KHDRBS3: variants seen among roughly 807,000 people sequenced by gnomAD.
KHDRBS3 encodes KH RNA binding domain containing, signal transduction associated 3.
A neutral mutation model predicts 45.6 loss-of-function variants in KHDRBS3; 23 were observed. The ratio of observed to expected loss-of-function variants is 0.50; its 90% confidence interval spans 0.36 to 0.72. KHDRBS3 has a LOEUF of 0.72. Among genes scored for constraint, KHDRBS3 ranks in the 30% least tolerant of loss-of-function variants. The pLI, the probability that KHDRBS3 is intolerant of heterozygous loss-of-function variation, is 0.00. For missense variants in KHDRBS3, 352 were observed against 424.8 expected, an observed-to-expected ratio of 0.83 and a Z score of 1.51; for synonymous variants, 162 against 156.5, an observed-to-expected ratio of 1.04 and a Z score of -0.26.
At chr8:135,601,200 A>C (rs1023147659) in intron 6 of KHDRBS3, among the ~76,000 whole-genome samples, 2 of 152,200 alleles carry the variant, frequency 1.3e-5, no homozygotes, top group Non-Finnish European at 2.9e-5. Flanking sequence ...TGTAATGAAC[A>C]TCTTTTAAGT....
chr8:135,655,874 G>A (rs1237243332), intron 4 of KHDRBS3, among the ~76,000 whole-genome samples: 2 of 152,166 alleles, frequency 1.3e-5, no homozygotes, highest in Non-Finnish European at 2.9e-5. Context: ...CTTATCAGGT[G>A]ACAAGAATGC....
At chr8:135,552,008 G>A (rs1258809987) in intron 4 of KHDRBS3, among the ~76,000 whole-genome samples, 4 of 152,046 alleles carry the variant, frequency 2.6e-5, no homozygotes, top group Non-Finnish European at 5.9e-5. Flanking sequence ...TATTTTTGAT[G>A]AGAAGAGTCA....
chr8:135,504,061 A>C (rs1000208506), intron 1 of KHDRBS3, among the ~76,000 whole-genome samples: 1 of 152,134 alleles, frequency 6.6e-6, no homozygotes, highest in Non-Finnish European at 1.5e-5. Context: ...TGTCAAGGGG[A>C]CCGAGAGCCT....
chr8:135,533,416 T>G (rs1825579476), intron 2 of KHDRBS3, among the ~76,000 whole-genome samples: 1 of 152,144 alleles, frequency 6.6e-6, no homozygotes, highest in South Asian at 2.1e-4. Context: ...TAATGATGAA[T>G]CTTGGCCTAG....
At chr8:135,534,044 G>C (rs940203095) in intron 2 of KHDRBS3, among the ~76,000 whole-genome samples, 1 of 152,110 alleles carries the variant, frequency 6.6e-6, no homozygotes, top group Non-Finnish European at 1.5e-5. Context: ...AAAATCCTAA[G>C]TTGAACCATT....
intron 5 of KHDRBS3, among the ~76,000 whole-genome samples, chr8:135,561,787 T>G (rs1227790043): frequency 6.6e-6 from 1 of 152,120 alleles, no homozygotes; most frequent in Non-Finnish European, 1.5e-5. Flanking sequence ...TTGATGATCT[T>G]GACCCTATGT....
chr8:135,563,277 T>C (rs1484491885), intron 5 of KHDRBS3, among the ~76,000 whole-genome samples: 1 of 152,228 alleles, frequency 6.6e-6, no homozygotes, highest in Non-Finnish European at 1.5e-5. Flanking sequence ...TGGTCTCCTT[T>C]CTGTTGCTCC....
downstream of KHDRBS3, among the ~76,000 whole-genome samples, chr8:135,649,154 T>C (rs1831378921): frequency 6.6e-6 from 1 of 152,100 alleles, no homozygotes; most frequent in Admixed American, 6.6e-5. Context: ...AAAGGAAAAG[T>C]ATTATTATTT....
intron 8 of KHDRBS3, among the ~76,000 whole-genome samples, chr8:135,645,847 A>G (rs1201329656): frequency 6.6e-5 from 10 of 152,200 alleles, no homozygotes; most frequent in Non-Finnish European, 1.5e-4. Context: ...AATCCCTGGT[A>G]CCCGGTGCAA....
intron 1 of KHDRBS3, among the ~76,000 whole-genome samples, chr8:135,478,524 T>C (rs1822407560): frequency 6.6e-6 from 1 of 152,186 alleles, no homozygotes; most frequent in East Asian, 1.9e-4. Context: ...CCACAGGAAA[T>C]GCATTTTTCT....
Position 135,525,683 on chromosome 8 carries a change from TAGAC to T in KHDRBS3, c.207+4333_207+4336del, listed in dbSNP as rs527457295. Among the ~76,000 whole-genome samples, 5 of 152,338 alleles carry T rather than the reference TAGAC, an allele frequency of 3.3e-5. No homozygotes were observed. In the South Asian group the frequency reaches 1.0e-3, roughly 32 times the overall value. ...AGAAAATTACGTTACAAACATTTCA[TAGAC>T]AGACTCATTACTCAAACAAAACATG... is the stretch of plus-strand genomic sequence containing the variant. On this transcript the variant is annotated intron_variant, in intron 2 of 8. Coordinates refer to ENST00000355849, the MANE Select transcript of KHDRBS3 (RefSeq NM_006558.3).
In KHDRBS3 at chr8:135,464,619, G is replaced by A. The variant is rs34887437; in HGVS notation, c.88+6665G>A. On this transcript the variant is annotated intron_variant, in intron 1 of 8. Coordinates refer to ENST00000355849, the MANE Select transcript of KHDRBS3 (RefSeq NM_006558.3). The stretch of plus-strand genomic sequence containing the variant: ...GATAATGCTTTTGGCTTTCTGGAAG[G>A]GGGGAATATGTTTAAATATACTTGC... 8.9e-3 allele frequency among the ~76,000 whole-genome samples: 1,348 copies of A among 152,302 alleles called. 9 individuals carry two copies. The highest frequency in any genetic ancestry group is 0.011 in the Non-Finnish European group (761 of 68,020).
At chr8:135,588,141 G>A (rs1828569116) in intron 6 of KHDRBS3, among the ~76,000 whole-genome samples, 1 of 152,142 alleles carries the variant, frequency 6.6e-6, no homozygotes, top group South Asian at 2.1e-4. Flanking sequence ...TGGGCCCCCA[G>A]GTTACCCACA....
chr8:135,633,345 C>T (rs978279598), intron 7 of KHDRBS3, among the ~76,000 whole-genome samples: 19 of 152,124 alleles, frequency 1.2e-4, no homozygotes, highest in Admixed American at 9.8e-4. Flanking sequence ...GTGTTCATGC[C>T]CTCACCTCCC....
At chr8:135,504,279 C>A (rs544987416) in intron 1 of KHDRBS3, among the ~76,000 whole-genome samples, 2 of 152,162 alleles carry the variant, frequency 1.3e-5, no homozygotes, top group African/African-American at 2.4e-5. Context: ...GGTTAATATG[C>A]TGTTCTGGGA....
intron 6 of KHDRBS3, among the ~76,000 whole-genome samples, chr8:135,582,437 C>T (rs1828260725): frequency 6.6e-6 from 1 of 152,146 alleles, no homozygotes; most frequent in Non-Finnish European, 1.5e-5. Flanking sequence ...CTGCGTATAC[C>T]AAGATGGTTT....
chr8:135,580,501 A>T (rs1159194666), intron 5 of KHDRBS3, among the ~76,000 whole-genome samples: 1 of 152,146 alleles, frequency 6.6e-6, no homozygotes, highest in Non-Finnish European at 1.5e-5. Flanking sequence ...CATTCATGTA[A>T]GTTAAAAAAT....
intron 7 of KHDRBS3, among the ~76,000 whole-genome samples, chr8:135,633,891 G>A (rs867234263): frequency 5.9e-5 from 9 of 152,198 alleles, no homozygotes; most frequent in African/African-American, 2.2e-4. Flanking sequence ...ATCACTCAAA[G>A]CCCTTAGTTG....
intron 1 of KHDRBS3, among the ~76,000 whole-genome samples, chr8:135,495,572 G>C (rs1488181046): frequency 6.6e-6 from 1 of 152,186 alleles, no homozygotes; most frequent in African/African-American, 2.4e-5. Flanking sequence ...CCAGTAAACA[G>C]CACTTTTACT....
Sources: gnomAD v4.1 joint callset for allele counts (sites outside exome capture counted in the v4.1 genomes callset) on GRCh38, gnomAD v4.1.1 for gene constraint, MANE v1.5 for transcripts, NCBI Gene and HGNC (gene_info 2026-07-23, HGNC 2026-07-21) for gene names.